The following CADPS2 variants were observed in gnomAD, a reference collection of about 807,000 sequenced individuals.
CADPS2 encodes calcium dependent secretion activator 2.
Under a neutral mutation model 172.5 loss-of-function variants are expected in CADPS2, and 93 were observed. The observed-to-expected ratio is 0.54, with a 90% confidence interval of 0.46 to 0.64. The LOEUF (loss-of-function observed/expected upper bound fraction) is 0.64, where lower values mean the gene tolerates loss of function less well. Ranked by LOEUF, CADPS2 falls within the 30% of genes least tolerant of loss-of-function variation. The probability of loss-of-function intolerance (pLI) is 0.00; values close to 1 mark genes in which losing one functional copy is unlikely to be tolerated. For missense variants in CADPS2, 1,420 were observed against 1,565.9 expected, an observed-to-expected ratio of 0.91 and a Z score of 1.57; for synonymous variants, 546 against 555.2, an observed-to-expected ratio of 0.98 and a Z score of 0.23.
intron 28 of CADPS2, among the ~76,000 whole-genome samples, 156 bp from the exon 29 acceptor site, chr7:122,325,737 A>T (rs1055237111): frequency 1.3e-5 from 2 of 152,120 alleles, no homozygotes; most frequent in African/African-American, 4.8e-5. Flanking sequence ...ATTTCCTGTT[A>T]ACAGAATTGT....
At chr7:122,676,844 T>C (rs1170658943) in intron 2 of CADPS2, 1 of 549,756 alleles carries the variant, frequency 1.8e-6, no homozygotes, top group Non-Finnish European at 3.2e-6. Flanking sequence ...CAGTATTTTT[T>C]TTTTCCAGGT....
intron 2 of CADPS2, among the ~76,000 whole-genome samples, chr7:122,680,534 C>A (rs1011960658): frequency 1.2e-4 from 18 of 152,154 alleles, no homozygotes; most frequent in African/African-American, 4.1e-4. Flanking sequence ...GCCAACATGG[C>A]AAAAGCCTGT....
intron 19 of CADPS2, among the ~76,000 whole-genome samples, chr7:122,409,823 A>C (rs1289157113): frequency 6.6e-6 from 1 of 152,128 alleles, no homozygotes; most frequent in African/African-American, 2.4e-5. Flanking sequence ...GGTGGCTGAG[A>C]TTCAACAGCA....
intron 1 of CADPS2, among the ~76,000 whole-genome samples, chr7:122,749,644 T>G (rs1160514366): frequency 6.6e-6 from 1 of 152,138 alleles, no homozygotes; most frequent in African/African-American, 2.4e-5. Context: ...TGCAAGGATC[T>G]TATTACTCCT....
At chr7:122,320,602 A>G (rs990011627) in intron 29 of CADPS2, among the ~76,000 whole-genome samples, 1 of 152,240 alleles carries the variant, frequency 6.6e-6, no homozygotes, top group Admixed American at 6.5e-5. Flanking sequence ...TCAGAACATT[A>G]CTAATTGCAC....
chr7:122,720,653 G>A (rs1450097381), intron 2 of CADPS2, among the ~76,000 whole-genome samples: 1 of 151,596 alleles, frequency 6.6e-6, no homozygotes, highest in Non-Finnish European at 1.5e-5. Flanking sequence ...CAGAGCGAGA[G>A]TGAGAGCCCG....
chr7:122,692,733 G>A (rs1356868897), intron 2 of CADPS2, among the ~76,000 whole-genome samples: 2 of 152,316 alleles, frequency 1.3e-5, no homozygotes, highest in Non-Finnish European at 2.9e-5. Context: ...CGAGGGGAGT[G>A]GGTGGATGGA....
chr7:122,647,494 AC>A (rs1292344361), intron 3 of CADPS2, among the ~76,000 whole-genome samples: 4 of 152,218 alleles, frequency 2.6e-5, no homozygotes, highest in Non-Finnish European at 1.5e-5. Flanking sequence ...CCAGTTTGTA[AC>A]AAAAAGCTAG....
intron 3 of CADPS2, among the ~76,000 whole-genome samples, chr7:122,648,915 GA>G (rs1171422177): frequency 4.6e-5 from 7 of 152,128 alleles, no homozygotes; most frequent in Admixed American, 4.6e-4. Flanking sequence ...GAGATTACCT[GA>G]AGGGCTAATA....
intron 8 of CADPS2, among the ~76,000 whole-genome samples, chr7:122,536,611 T>C (rs1450445055): frequency 1.3e-5 from 2 of 152,060 alleles, no homozygotes; most frequent in Non-Finnish European, 2.9e-5. Context: ...CATTTACTGA[T>C]GAGGGTCAGT....
intron 1 of CADPS2, among the ~76,000 whole-genome samples, chr7:122,871,643 T>C (rs1488356094): frequency 5.9e-5 from 9 of 152,082 alleles, no homozygotes; most frequent in East Asian, 1.9e-4. Flanking sequence ...TTGTGTGAAA[T>C]AGAACCTAAA....
At chr7:122,739,579 A>G (rs560974851) in intron 1 of CADPS2, among the ~76,000 whole-genome samples, 1 of 152,308 alleles carries the variant, frequency 6.6e-6, no homozygotes, top group South Asian at 2.1e-4. Flanking sequence ...AGCCAGAGTC[A>G]CCTGGCTAAA....
chr7:122,705,958 A>AT (rs374181164), intron 2 of CADPS2, among the ~76,000 whole-genome samples: 1,721 of 20,956 alleles, frequency 0.082, 772 homozygotes, highest in African/African-American at 0.26. Context: ...TATATAATAT[A>AT]TATATAATAT....
intron 4 of CADPS2, among the ~76,000 whole-genome samples, chr7:122,622,128 A>T (rs2075667925): frequency 6.6e-6 from 1 of 152,206 alleles, no homozygotes; most frequent in Non-Finnish European, 1.5e-5. Context: ...CCAAGTTAGG[A>T]AACAAACATT....
At chr7:122,677,478 G>A (rs2082503670) in intron 2 of CADPS2, among the ~76,000 whole-genome samples, 1 of 152,164 alleles carries the variant, frequency 6.6e-6, no homozygotes, top group South Asian at 2.1e-4. Context: ...CCTGGAAAGT[G>A]CTCTGGTCTT....
At chr7:122,823,617 C>T (rs779924312) in intron 1 of CADPS2, among the ~76,000 whole-genome samples, 1 of 152,046 alleles carries the variant, frequency 6.6e-6, no homozygotes, top group Non-Finnish European at 1.5e-5. Flanking sequence ...CTTGCCTGTC[C>T]GTAGACTTTC....
intron 24 of CADPS2, among the ~76,000 whole-genome samples, chr7:122,383,726 T>A (rs1429001128): frequency 6.6e-6 from 1 of 152,130 alleles, no homozygotes; most frequent in East Asian, 1.9e-4. Flanking sequence ...TTCACCTGAC[T>A]GCTGTTACAC....
At chr7:122,480,019 G>A in intron 12 of CADPS2, 1 of 456,080 alleles carries the variant, frequency 2.2e-6, no homozygotes, top group South Asian at 1.6e-5. Flanking sequence ...AAACCAGGGT[G>A]TGTGCACTGC....
chr7:122,674,575 A>G (rs985277207), intron 2 of CADPS2, among the ~76,000 whole-genome samples: 3 of 152,240 alleles, frequency 2.0e-5, no homozygotes, highest in Admixed American at 6.5e-5. Context: ...ACAAGAAACT[A>G]TATCTGCCAA....
Sources: gnomAD v4.1 joint callset for allele counts (sites outside exome capture counted in the v4.1 genomes callset) on GRCh38, gnomAD v4.1.1 for gene constraint, MANE v1.5 for transcripts, NCBI Gene and HGNC (gene_info 2026-07-23, HGNC 2026-07-21) for gene names.